Variants in BTBD9 observed in about 807,000 individuals in gnomAD.
BTBD9 encodes BTB/POZ domain-containing protein 9.
In BTBD9, 49 loss-of-function variants were observed where a neutral mutation model predicts 64.3. The observed-to-expected ratio is 0.76, with a 90% CI of 0.61 to 0.97. BTBD9 has a LOEUF of 0.97. BTBD9 is among the 50% of genes least tolerant of loss of function. The pLI is 0.00. For synonymous variants in BTBD9, 260 were observed against 274.7 expected (o/e 0.95, Z 0.53); for missense variants, 598 against 762.1 (o/e 0.78, Z 2.53).
intron 9 of BTBD9, among the ~76,000 whole-genome samples, chr6:38,237,185 C>G (rs1763806673): frequency 6.6e-6 from 1 of 152,156 alleles, no homozygotes; most frequent in African/African-American, 2.4e-5. Context: ...GTAGGTGACA[C>G]TTAGGAAGAG....
intron 6 of BTBD9, among the ~76,000 whole-genome samples, chr6:38,403,628 C>T (rs981335977): frequency 1.3e-5 from 2 of 152,056 alleles, no homozygotes; most frequent in Admixed American, 6.5e-5. Context: ...TACTACTAGC[C>T]GGAATGTAAA....
intron 1 of BTBD9, among the ~76,000 whole-genome samples, chr6:38,637,807 G>A (rs138808338): frequency 7.9e-5 from 12 of 152,240 alleles, no homozygotes; most frequent in Admixed American, 2.6e-4. Context: ...TGGTTCAAGC[G>A]TAATATCCTT....
At chr6:38,362,136 C>T (rs1764987377) in intron 6 of BTBD9, among the ~76,000 whole-genome samples, 2 of 152,218 alleles carry the variant, frequency 1.3e-5, no homozygotes, top group African/African-American at 4.8e-5. Flanking sequence ...TCTCTCCTTA[C>T]TCCCATAGTG....
In BTBD9 at chr6:38,436,429, G is replaced by C. The variant is rs531864796; in HGVS notation, c.1155-91336C>G. Among the ~76,000 whole-genome samples the C allele has an allele frequency of 1.5e-4, 22 of 149,902 alleles. 1 individual carries two copies. The highest frequency in any genetic ancestry group is 5.2e-4 in the African/African-American group (21 of 40,278). On this transcript the variant is annotated intron_variant, in intron 6 of 10. Transcript: ENST00000481247. ...TCACTCTTGTTGCCCAGGCTGGAGG[G>C]CAACGGCACGATCTCGGCTCACTGC...
intron 6 of BTBD9, among the ~76,000 whole-genome samples, chr6:38,567,294 C>T (rs1189997431): frequency 6.6e-6 from 1 of 152,112 alleles, no homozygotes; most frequent in African/African-American, 2.4e-5. Context: ...TTATAATGTG[C>T]ACAGAATTTC....
chr6:38,542,214 C>T (rs116417791), intron 6 of BTBD9, among the ~76,000 whole-genome samples: 3 of 151,938 alleles, frequency 2.0e-5, no homozygotes, highest in Non-Finnish European at 2.9e-5. Context: ...GTATCCAACT[C>T]TCTCTGGAAA....
At chr6:38,252,925 G>T (rs1264641402) in intron 9 of BTBD9, among the ~76,000 whole-genome samples, 1 of 152,120 alleles carries the variant, frequency 6.6e-6, no homozygotes, top group East Asian at 1.9e-4. Context: ...TGGCCAACAT[G>T]GTGAAACCCT....
intron 9 of BTBD9, among the ~76,000 whole-genome samples, chr6:38,240,980 T>C (rs1763973242): frequency 6.6e-6 from 1 of 152,208 alleles, no homozygotes; most frequent in Admixed American, 6.5e-5. Flanking sequence ...AATGTAGATT[T>C]GGGTTTTGAT....
intron 10 of BTBD9, among the ~76,000 whole-genome samples, chr6:38,181,945 G>A (rs1215127466): frequency 6.6e-6 from 1 of 152,100 alleles, no homozygotes; most frequent in Non-Finnish European, 1.5e-5. Flanking sequence ...CCGAGATCGC[G>A]CCACTGCACT....
intron 6 of BTBD9, among the ~76,000 whole-genome samples, chr6:38,415,076 G>A (rs1286364906): frequency 6.6e-6 from 1 of 151,834 alleles, no homozygotes; most frequent in Non-Finnish European, 1.5e-5. Flanking sequence ...CCTTTCTAAC[G>A]TAGCAAATGG....
intron 6 of BTBD9, among the ~76,000 whole-genome samples, chr6:38,375,137 G>A (rs1765632340): frequency 6.6e-6 from 1 of 152,188 alleles, no homozygotes; most frequent in African/African-American, 2.4e-5. Flanking sequence ...TAAGTGCCAG[G>A]AAAGTTAATG....
chr6:38,189,781 G>A (rs556891826), intron 10 of BTBD9, among the ~76,000 whole-genome samples: 5 of 151,774 alleles, frequency 3.3e-5, no homozygotes, highest in Admixed American at 2.6e-4. Context: ...TTAAGCAATC[G>A]TCTTGCCTCA....
Position 38,594,076 on chromosome 6 carries a change from A to G in BTBD9, c.437T>C (p.Phe146Ser), listed in dbSNP as rs1776932655. The change falls in exon 3 of 11, where the codon TTT becomes TCT. Residue 146 changes from phenylalanine (F) to serine (S), a missense_variant. Physicochemically the swap from Phe to Ser is radical, Grantham distance 155. Transcript: ENST00000481247. ...ILNIQNVCMT[F>S]DVASLYSLPK... is the part of the protein sequence containing the mutation. ...AAGTGAGTAGAGACTGGCAACATCA[A>G]AAGTCATGCAGACATTCTGAATGTT... 1 of 1,614,184 alleles carries G rather than the reference A, an allele frequency of 6.2e-7. No individual in the cohort carries two copies.
intron 7 of BTBD9, among the ~76,000 whole-genome samples, chr6:38,291,701 A>G (rs934655151): frequency 6.6e-6 from 1 of 152,108 alleles, no homozygotes; most frequent in African/African-American, 2.4e-5. Context: ...TTTTAGCATG[A>G]AGGGGTGTTG....
intron 6 of BTBD9, among the ~76,000 whole-genome samples, chr6:38,488,974 T>A (rs1266734629): frequency 1.3e-5 from 2 of 151,540 alleles, no homozygotes; most frequent in Non-Finnish European, 2.9e-5. Flanking sequence ...GGGCTCACTG[T>A]AGCCTCGACC....
intron 6 of BTBD9, among the ~76,000 whole-genome samples, chr6:38,404,083 G>A (rs1340675900): frequency 5.3e-5 from 8 of 152,148 alleles, no homozygotes; most frequent in African/African-American, 1.7e-4. Context: ...GGGGAGAGAA[G>A]GGATTGGGAA....
chr6:38,583,152 G>A (rs745674502), intron 4 of BTBD9, among the ~76,000 whole-genome samples: 29 of 152,222 alleles, frequency 1.9e-4, no homozygotes, highest in Admixed American at 1.9e-3. Context: ...TGCAAAGTCT[G>A]TTGCTGCTGA....
intron 10 of BTBD9, among the ~76,000 whole-genome samples, chr6:38,177,696 C>T (rs999259867): frequency 7.9e-5 from 12 of 152,190 alleles, no homozygotes; most frequent in Non-Finnish European, 1.5e-5. Context: ...CCCGACCTGT[C>T]GGTGCCCTGG....
At chr6:38,355,833 T>C (rs565126281) in intron 6 of BTBD9, among the ~76,000 whole-genome samples, 46 of 152,322 alleles carry the variant, frequency 3.0e-4, no homozygotes, top group Admixed American at 5.9e-4. Context: ...CTTGGTCTCT[T>C]CTCTCATTTT....
Sources: gnomAD v4.1 joint callset for allele counts (sites outside exome capture counted in the v4.1 genomes callset) on GRCh38, gnomAD v4.1.1 for gene constraint, MANE v1.5 for transcripts, NCBI Gene and HGNC (gene_info 2026-07-23, HGNC 2026-07-21) for gene names.